Variants in EXT1 observed in about 807,000 individuals in gnomAD.
EXT1 encodes exostosin-1.
EXT1 carries 20 observed loss-of-function variants against 82.5 expected under a neutral mutation model. The observed-to-expected ratio is 0.24, with a 90% CI of 0.17 to 0.35. EXT1 has a LOEUF of 0.35. Ranked by LOEUF, EXT1 falls within the 10% of genes least tolerant of loss-of-function variation. The pLI is 1.00. For synonymous variants in EXT1, 348 were observed against 350.8 expected, an observed-to-expected ratio of 0.99 and a Z score of 0.09; for missense variants, 757 against 936.5, an observed-to-expected ratio of 0.81 and a Z score of 2.50.
intron 1 of EXT1, among the ~76,000 whole-genome samples, chr8:117,929,830 A>T (rs186257161): frequency 5.5e-4 from 84 of 152,334 alleles, no homozygotes; most frequent in African/African-American, 2.0e-3. Flanking sequence ...AAGAGCAGCC[A>T]GGCGTGGTGC....
In EXT1 at chr8:117,797,430, T is replaced by C. The variant is rs1223484437; in HGVS notation, c.*2282A>G. The C allele has an allele frequency of 2.0e-5, 3 of 152,240 alleles. No homozygotes were observed. The highest frequency in any genetic ancestry group is 7.2e-5 in the African/African-American group (3 of 41,464). The allele number at this position is 152,240 out of a possible 1,614,324, so 9.4% of individuals were successfully genotyped here. A position where few individuals can be genotyped will look rare whatever the true frequency, so the allele number is the denominator to read the frequency against. ...TGTTGTGAGCTTGGTGACAGGTCAA[T>C]CTGGCAAAGCAGGTCCTTGAATCCA... On this transcript the variant is annotated 3_prime_UTR_variant, in exon 11 of 11. Coordinates refer to ENST00000378204, the MANE Select transcript of EXT1 (RefSeq NM_000127.3).
At chr8:117,851,643 ACACAC>A (rs1312527475) in intron 1 of EXT1, among the ~76,000 whole-genome samples, 1 of 137,692 alleles carries the variant, frequency 7.3e-6, no homozygotes, top group Non-Finnish European at 1.6e-5. Flanking sequence ...ACACACACAC[ACACAC>A]ACCATTATTT....
At chr8:117,975,974 T>G (rs1416637487) in intron 1 of EXT1, among the ~76,000 whole-genome samples, 3 of 152,180 alleles carry the variant, frequency 2.0e-5, no homozygotes, top group African/African-American at 7.2e-5. Context: ...AGAAGGCTAA[T>G]ACACAAAACA....
At chr8:117,843,581 G>A (rs1460730335) in intron 1 of EXT1, among the ~76,000 whole-genome samples, 1 of 152,140 alleles carries the variant, frequency 6.6e-6, no homozygotes, top group African/African-American at 2.4e-5. Context: ...GTATGGGGGT[G>A]TGGGCTGCTG....
chr8:118,058,338 G>A (rs760122237), intron 1 of EXT1, among the ~76,000 whole-genome samples: 26 of 152,102 alleles, frequency 1.7e-4, no homozygotes, highest in African/African-American at 4.6e-4. Flanking sequence ...TTGAAGTACC[G>A]CCTAAAAAGC....
chr8:118,009,796 C>G (rs1815856811), intron 1 of EXT1, among the ~76,000 whole-genome samples: 1 of 152,174 alleles, frequency 6.6e-6, no homozygotes, highest in South Asian at 2.1e-4. Context: ...CAGTTTCATC[C>G]TGAAACCATC....
At chr8:117,825,045 T>C (rs1811987789) in intron 4 of EXT1, among the ~76,000 whole-genome samples, 1 of 152,064 alleles carries the variant, frequency 6.6e-6, no homozygotes, top group East Asian at 1.9e-4. Context: ...TTTTTATTTT[T>C]ATTTTTTGTA....
chr8:118,100,708 T>C (rs1171004558), intron 1 of EXT1, among the ~76,000 whole-genome samples: 1 of 151,366 alleles, frequency 6.6e-6, no homozygotes, highest in Non-Finnish European at 1.5e-5. Context: ...ATCGCGCCAC[T>C]GCACTCCAGC....
rs531761959 is a variant in EXT1, at chr8:118,068,366, C to G, written c.962+41719G>C. 3.3e-5 allele frequency among the ~76,000 whole-genome samples: 5 copies of G among 152,332 alleles called. 1 individual carries two copies. The highest frequency in any genetic ancestry group is 1.2e-4 in the African/African-American group (5 of 41,564). On this transcript the variant is annotated intron_variant, in intron 1 of 10. Transcript: ENST00000378204. Reference sequence around the variant, plus strand: ...TTCCAAGGTACTTGTGCGGGATGCACAGGTTTGTTACATAGGTAAACATGT... The same window carrying G: ...TTCCAAGGTACTTGTGCGGGATGCAGAGGTTTGTTACATAGGTAAACATGT...
At chr8:117,869,231 T>C (rs939819397) in intron 1 of EXT1, among the ~76,000 whole-genome samples, 1 of 152,194 alleles carries the variant, frequency 6.6e-6, no homozygotes, top group Non-Finnish European at 1.5e-5. Context: ...AAGAATTTAA[T>C]GAAAGAAAAC....
At chr8:117,842,763 G>A (rs1421454435) in intron 1 of EXT1, among the ~76,000 whole-genome samples, 1 of 152,220 alleles carries the variant, frequency 6.6e-6, no homozygotes, top group Admixed American at 6.5e-5. Flanking sequence ...GCTTCTAATT[G>A]AAGGCTTTTG....
At chr8:118,044,182 C>T (rs1816582333) in intron 1 of EXT1, among the ~76,000 whole-genome samples, 1 of 152,156 alleles carries the variant, frequency 6.6e-6, no homozygotes. Flanking sequence ...AGCAACTATA[C>T]AAAACTACTT....
chr8:117,799,957 A>G, intron 10 of EXT1, 60 bp from the exon 11 acceptor site: 3 of 1,554,194 alleles, frequency 1.9e-6, no homozygotes, highest in Non-Finnish European at 2.6e-6. Context: ...AGATGGAAAC[A>G]TTGCAGAAAA....
At chr8:117,992,489 C>T (rs912210408) in intron 1 of EXT1, among the ~76,000 whole-genome samples, 4 of 144,478 alleles carry the variant, frequency 2.8e-5, no homozygotes, top group Admixed American at 1.4e-4. Flanking sequence ...ATATAGGATA[C>T]GAAGGCTTGG....
intron 1 of EXT1, among the ~76,000 whole-genome samples, chr8:118,096,749 A>C (rs1817626880): frequency 6.6e-6 from 1 of 152,096 alleles, no homozygotes; most frequent in Non-Finnish European, 1.5e-5. Context: ...TTGGGGAAAA[A>C]AAGGTTCATT....
intron 1 of EXT1, among the ~76,000 whole-genome samples, chr8:117,927,824 A>G (rs984461164): frequency 6.6e-6 from 1 of 152,192 alleles, no homozygotes; most frequent in African/African-American, 2.4e-5. Flanking sequence ...GAAATCCTGA[A>G]CAATTTTTGA....
At chr8:118,094,069 G>A (rs17431791) in intron 1 of EXT1, among the ~76,000 whole-genome samples, 34 of 152,256 alleles carry the variant, frequency 2.2e-4, no homozygotes, top group Admixed American at 1.4e-3. Context: ...TCTCTATCTC[G>A]CACAGGTTTA....
At chr8:117,809,218 A>AATAT (rs71307404) in intron 8 of EXT1, among the ~76,000 whole-genome samples, 4,094 of 107,892 alleles carry the variant, frequency 0.038, 198 homozygotes, top group African/African-American at 0.083. Flanking sequence ...TGTGTGTATA[A>AATAT]ATATATATAT....
At chr8:117,929,298 T>C (rs1814006119) in intron 1 of EXT1, among the ~76,000 whole-genome samples, 1 of 152,150 alleles carries the variant, frequency 6.6e-6, no homozygotes, top group Non-Finnish European at 1.5e-5. Flanking sequence ...GATGAAAAGA[T>C]GATCCACAGG....
Sources: allele counts gnomAD v4.1 joint callset (sites outside exome capture counted in the v4.1 genomes callset), GRCh38; gene constraint gnomAD v4.1.1; transcripts MANE v1.5; gene names NCBI Gene and HGNC (gene_info 2026-07-23, HGNC 2026-07-21).